Variants in KIAA1217 observed in about 807,000 individuals in gnomAD.
KIAA1217 encodes sickle tail protein homolog.
A neutral mutation model predicts 163.9 loss-of-function variants in KIAA1217; 88 were observed. That is an observed-to-expected ratio of 0.54 (90% CI 0.45 to 0.64). The LOEUF (loss-of-function observed/expected upper bound fraction) is 0.64, where lower values mean the gene tolerates loss of function less well. Ranked by LOEUF, KIAA1217 falls within the 30% of genes least tolerant of loss-of-function variation. The probability of loss-of-function intolerance (pLI) is 0.00; values close to 1 mark genes in which losing one functional copy is unlikely to be tolerated. For synonymous variants in KIAA1217, 903 were observed against 923.1 expected, an observed-to-expected ratio of 0.98 and a Z score of 0.39; for missense variants, 2,372 against 2,475.0, an observed-to-expected ratio of 0.96 and a Z score of 0.88.
intron 2 of KIAA1217, among the ~76,000 whole-genome samples, chr10:24,159,107 C>T (rs1332960401): frequency 3.9e-5 from 6 of 152,100 alleles, no homozygotes. Context: ...TCATAGTCTT[C>T]ATGAGAAGGT....
At chr10:24,303,947 C>A (rs2132787305) in intron 2 of KIAA1217, among the ~76,000 whole-genome samples, 1 of 152,162 alleles carries the variant, frequency 6.6e-6, no homozygotes, top group Non-Finnish European at 1.5e-5. Context: ...CTGTATGAAA[C>A]TTTCTGAAAA....
intron 1 of KIAA1217, among the ~76,000 whole-genome samples, chr10:23,696,224 C>G (rs1283698136): frequency 6.6e-6 from 1 of 152,210 alleles, no homozygotes; most frequent in Non-Finnish European, 1.5e-5. Context: ...GGAATCTGCC[C>G]TCGTCCTAGG....
chr10:23,714,320 A>G (rs1302732408), intron 1 of KIAA1217, among the ~76,000 whole-genome samples: 1 of 152,000 alleles, frequency 6.6e-6, no homozygotes, highest in Non-Finnish European at 1.5e-5. Context: ...TGCACAAGTA[A>G]TTTATGAAGA....
At chr10:23,761,368 T>A (rs1363860770) in intron 1 of KIAA1217, among the ~76,000 whole-genome samples, 1 of 152,240 alleles carries the variant, frequency 6.6e-6, no homozygotes, top group Non-Finnish European at 1.5e-5. Flanking sequence ...TTGAGATCTT[T>A]CTAGCTTTCT....
At chr10:23,960,646 A>G (rs1429520024) in intron 1 of KIAA1217, among the ~76,000 whole-genome samples, 1 of 152,222 alleles carries the variant, frequency 6.6e-6, no homozygotes, top group Non-Finnish European at 1.5e-5. Flanking sequence ...TGAATGTAAT[A>G]TTTCTGCTTC....
intron 2 of KIAA1217, among the ~76,000 whole-genome samples, chr10:24,108,439 A>G (rs1348819424): frequency 6.6e-6 from 1 of 152,226 alleles, no homozygotes; most frequent in Non-Finnish European, 1.5e-5. Flanking sequence ...GTTTTAAAAC[A>G]TATTCACAAA....
At chr10:24,512,422 C>G (rs541075504) in intron 9 of KIAA1217, among the ~76,000 whole-genome samples, 17 of 152,260 alleles carry the variant, frequency 1.1e-4, no homozygotes, top group Middle Eastern at 3.4e-3. Flanking sequence ...AGAAAATTGT[C>G]CTGCTCCAGG....
chr10:23,942,654 G>A (rs374252296), intron 1 of KIAA1217, among the ~76,000 whole-genome samples: 3 of 152,048 alleles, frequency 2.0e-5, no homozygotes, highest in South Asian at 4.2e-4. Flanking sequence ...TCTCTCTCAA[G>A]CACATCACAG....
chr10:24,332,326 G>A (rs1204084486), intron 2 of KIAA1217, among the ~76,000 whole-genome samples: 2 of 152,180 alleles, frequency 1.3e-5, no homozygotes, highest in Non-Finnish European at 2.9e-5. Context: ...AACACCCAGC[G>A]TAGAGAGAAT....
intron 2 of KIAA1217, chr10:24,275,558 C>G (rs2077191545): frequency 2.3e-6 from 1 of 433,640 alleles, no homozygotes; most frequent in African/African-American, 2.0e-5. Context: ...GGGTCACAAA[C>G]AGATTTTAGG....
chr10:23,934,343 G>A (rs979707072), intron 1 of KIAA1217, among the ~76,000 whole-genome samples: 3 of 150,578 alleles, frequency 2.0e-5, no homozygotes, highest in East Asian at 3.9e-4. Flanking sequence ...AGAACACACG[G>A]ACAGGAGAGG....
At chr10:24,386,437 G>A (rs1007396935) in intron 3 of KIAA1217, among the ~76,000 whole-genome samples, 13 of 152,154 alleles carry the variant, frequency 8.5e-5, no homozygotes, top group African/African-American at 3.1e-4. Flanking sequence ...TAGGAAATCA[G>A]GGCAAAGGAA....
At chr10:24,133,235 G>A (rs1250449434) in intron 2 of KIAA1217, among the ~76,000 whole-genome samples, 3 of 152,076 alleles carry the variant, frequency 2.0e-5, no homozygotes, top group African/African-American at 7.2e-5. Flanking sequence ...TTAGAGAAAG[G>A]ATCAGTGTTA....
intron 1 of KIAA1217, among the ~76,000 whole-genome samples, chr10:23,757,141 T>C (rs939254106): frequency 1.3e-5 from 2 of 152,230 alleles, no homozygotes; most frequent in Non-Finnish European, 2.9e-5. Context: ...GCGTGGGTTC[T>C]TCCACATTTT....
At chr10:24,117,125 C>T (rs2063089439) in intron 2 of KIAA1217, among the ~76,000 whole-genome samples, 1 of 152,006 alleles carries the variant, frequency 6.6e-6, no homozygotes, top group Non-Finnish European at 1.5e-5. Context: ...GCAACCTCCA[C>T]CTCCCAGGTT....
upstream of KIAA1217, among the ~76,000 whole-genome samples, chr10:24,207,280 TCTCA>T (rs1237720288): frequency 6.1e-5 from 6 of 98,830 alleles, no homozygotes; most frequent in African/African-American, 3.2e-4. Flanking sequence ...TCTCTCTCTC[TCTCA>T]CACACACACA....
chr10:24,432,066 C>G (rs968042116), intron 3 of KIAA1217, among the ~76,000 whole-genome samples: 1 of 151,062 alleles, frequency 6.6e-6, no homozygotes, highest in African/African-American at 2.4e-5. Flanking sequence ...AAAAAAATCA[C>G]TCTATGAGGT....
At chr10:23,924,184 T>C (rs1280425690) in intron 1 of KIAA1217, among the ~76,000 whole-genome samples, 6 of 151,936 alleles carry the variant, frequency 3.9e-5, no homozygotes, top group Admixed American at 3.9e-4. Flanking sequence ...TTTTTTTACT[T>C]TAAGTTCTAG....
chr10:23,707,110 T>C (rs548694989), intron 1 of KIAA1217, among the ~76,000 whole-genome samples: 14 of 152,274 alleles, frequency 9.2e-5, no homozygotes, highest in African/African-American at 3.1e-4. Context: ...TATGAGAACA[T>C]ATAGGTTAAA....
Sources: gnomAD v4.1 joint callset for allele counts (sites outside exome capture counted in the v4.1 genomes callset) on GRCh38, gnomAD v4.1.1 for gene constraint, MANE v1.5 for transcripts, NCBI Gene and HGNC (gene_info 2026-07-23, HGNC 2026-07-21) for gene names.